ZNF571: variants seen among roughly 807,000 people sequenced by gnomAD.
ZNF571 encodes zinc finger protein 571.
A neutral mutation model predicts 7.7 loss-of-function variants in ZNF571; 4 were observed. The ratio of observed to expected loss-of-function variants is 0.52; its 90% CI spans 0.25 to 1.18. The LOEUF (loss-of-function observed/expected upper bound fraction) is 1.18. Ranked by LOEUF, ZNF571 falls within the 50% of genes most tolerant of loss-of-function variation. ZNF571 has a pLI of 0.14. For synonymous variants in ZNF571, 251 were observed against 232.4 expected, an observed-to-expected ratio of 1.08 and a Z score of -0.73; for missense variants, 704 against 726.9, an observed-to-expected ratio of 0.97 and a Z score of 0.36.
Position 37,584,010 on chromosome 19 carries a change from C to G in ZNF571, c.97G>C (p.Asp33His). 1.2e-6 allele frequency: 2 copies of G among 1,613,926 alleles called. No individual in the cohort carries two copies. Among genetic ancestry groups the G allele is most frequent in the East Asian group, 2.2e-5 (1 of 44,886 alleles). Residue 33 changes from aspartate to histidine, a missense_variant, in exon 3 of 4, where the codon GAT (aspartate) becomes CAT (histidine). Coordinates refer to ENST00000451802, the MANE Select transcript of ZNF571 (RefSeq NM_016536.5). ...LDPAQRDLYR[D>H]VMLENYSNLI... is the part of the protein sequence containing the mutation. ...TTGCTGTAGTTCTCCAACATCACAT[C>G]CCTGTACAAGTCCCTCTGAGCAGGG...
chr19:37,570,448 G>T (rs2043013125), intron 3 of ZNF571, among the ~76,000 whole-genome samples: 2 of 152,070 alleles, frequency 1.3e-5, no homozygotes, highest in African/African-American at 4.8e-5. Flanking sequence ...CATAATTATA[G>T]CAAGTCAACA....
intron 1 of ZNF571, 117 bp from the exon 2 acceptor site, chr19:37,586,862 C>T (rs1465252057): frequency 1.5e-6 from 1 of 650,428 alleles, no homozygotes; most frequent in East Asian, 2.8e-5. Flanking sequence ...TCAGTTCTTC[C>T]ACAAACCCAA....
intron 2 of ZNF571, chr19:37,586,464 A>G (rs2043676057): frequency 1.6e-6 from 1 of 617,132 alleles, no homozygotes; most frequent in African/African-American, 1.9e-5. Flanking sequence ...TTATCTGCTG[A>G]ATGAATATCT....
chr19:37,564,829 T>A lies in ZNF571; in HGVS notation c.1599A>T (p.Lys533Asn), dbSNP rs777572548. 9.3e-6 allele frequency: 15 copies of A among 1,613,880 alleles called. No homozygotes were observed. In the South Asian group the frequency reaches 1.6e-4, roughly 18 times the overall value. ...IHRGEKPYEC[K>N]QCGKAFIRGS... ...CACGAATAAAAGCCTTCCCACACTGTTTACATTCATAAGGTTTTTCACCTC... is the reference window on the plus strand; with the variant it reads ...CACGAATAAAAGCCTTCCCACACTGATTACATTCATAAGGTTTTTCACCTC... The change falls in exon 4 of 4, where the codon AAA becomes AAT. Residue 533 changes from lysine to asparagine, a missense_variant. Lys to Asn is a moderately conservative substitution (Grantham distance 94). Transcript: ENST00000451802.
At chr19:37,580,424 CTT>C (rs2043414093) in intron 3 of ZNF571, among the ~76,000 whole-genome samples, 1 of 152,222 alleles carries the variant, frequency 6.6e-6, no homozygotes, top group Non-Finnish European at 1.5e-5. Context: ...GTTAGCTTGA[CTT>C]TCTTTCCACA....
chr19:37,564,838 A>G lies in ZNF571; in HGVS notation c.1590T>C (p.Tyr530=), dbSNP rs1288400352. ...HQRIHRGEKP[Y]ECKQCGKAFI... ...AAGCCTTCCCACACTGTTTACATTC[A>G]TAAGGTTTTTCACCTCTGTGAATTC... is the stretch of plus-strand genomic sequence containing the variant. Residue 530 remains tyrosine, a synonymous_variant, in exon 4 of 4, where the codon TAT becomes TAC. Transcript: ENST00000451802. 6.2e-7 allele frequency: 1 copy of G among 1,614,078 alleles called. No homozygotes were observed. Among genetic ancestry groups the G allele is most frequent in the Non-Finnish European group, 8.5e-7 (1 of 1,179,970 alleles).
intron 1 of ZNF571, among the ~76,000 whole-genome samples, chr19:37,592,931 A>G (rs553946869): frequency 1.3e-5 from 2 of 152,340 alleles, no homozygotes; most frequent in Middle Eastern, 3.4e-3. Flanking sequence ...TGCATTAAGT[A>G]AGTTTAACAG....
intron 1 of ZNF571, among the ~76,000 whole-genome samples, chr19:37,591,643 C>G (rs984121579): frequency 1.3e-5 from 2 of 152,134 alleles, no homozygotes; most frequent in East Asian, 1.9e-4. Context: ...CTCCCGGGTT[C>G]AAATGATTCT....
At chr19:37,582,903 C>G (rs2043524534) in intron 3 of ZNF571, among the ~76,000 whole-genome samples, 1 of 152,208 alleles carries the variant, frequency 6.6e-6, no homozygotes, top group South Asian at 2.1e-4. Context: ...TCAGTGACCT[C>G]TAAACAAAGA....
intron 1 of ZNF571, among the ~76,000 whole-genome samples, chr19:37,588,969 G>A (rs2147209679): frequency 6.6e-6 from 1 of 152,244 alleles, no homozygotes; most frequent in South Asian, 2.1e-4. Context: ...GGAGGCTGAG[G>A]CAGGTGGATC....
intron 2 of ZNF571, 169 bp downstream of exon 2, chr19:37,586,499 G>C (rs2043677989): frequency 1.4e-6 from 1 of 694,206 alleles, no homozygotes; most frequent in African/African-American, 1.8e-5. Context: ...GAGGGGAAAA[G>C]CATTGAGAAG....
rs1555716373 is a variant in ZNF571 at position 37,568,326 on chromosome 19, C to CA, written c.137-2036dup. ...AAAAACAAAAGCAACTACCCCCCCC[C>CA]ACTTGCCATATACACACCACAGCTC... On this transcript the variant is annotated intron_variant, in intron 3 of 3. Coordinates refer to ENST00000451802, the MANE Select transcript of ZNF571 (RefSeq NM_016536.5). Among the ~76,000 whole-genome samples the CA allele has an allele frequency of 3.3e-5, 5 of 150,744 alleles. No homozygotes were observed. The South Asian group carries it at 6.5e-4, about 20-fold the overall frequency.
At chr19:37,574,258 T>G (rs1208311948) in intron 3 of ZNF571, among the ~76,000 whole-genome samples, 1 of 152,196 alleles carries the variant, frequency 6.6e-6, no homozygotes, top group Non-Finnish European at 1.5e-5. Flanking sequence ...CCTGAGCCCT[T>G]TAAATCATGC....
intron 1 of ZNF571, among the ~76,000 whole-genome samples, chr19:37,588,065 A>C (rs919348743): frequency 7.9e-6 from 1 of 125,878 alleles, no homozygotes; most frequent in Non-Finnish European, 1.6e-5. Context: ...GCGCCACTGC[A>C]CTCCAGCCTG....
At chr19:37,568,134 C>T (rs1052759025) in intron 3 of ZNF571, among the ~76,000 whole-genome samples, 11 of 152,140 alleles carry the variant, frequency 7.2e-5, no homozygotes, top group African/African-American at 2.7e-4. Context: ...ACTGGATCAG[C>T]AGGCACAGGG....
Position 37,566,248 on chromosome 19 carries a change from C to T in ZNF571, c.180G>A (p.Lys60=), listed in dbSNP as rs1444809385. Residue 60 remains lysine, a synonymous_variant, in exon 4 of 4, where the codon AAG becomes AAA. Coordinates refer to ENST00000451802, the MANE Select transcript of ZNF571 (RefSeq NM_016536.5). ...GGAGTGATTCCATTTCATAAATTTC[C>T]TTTTCTGGAGATAACTTTTTGGTCA... ...SCVTKKLSPE[K]EIYEMESLQW... The T allele has an allele frequency of 6.2e-7, 1 of 1,613,318 alleles. No homozygotes were observed. The highest frequency in any genetic ancestry group is 2.2e-5 in the East Asian group (1 of 44,856).
intron 1 of ZNF571, among the ~76,000 whole-genome samples, chr19:37,592,634 G>C (rs1307484874): frequency 6.6e-6 from 1 of 152,228 alleles, no homozygotes; most frequent in African/African-American, 2.4e-5. Context: ...CTGAAAGTGG[G>C]ACATCAGACT....
chr19:37,581,868 GA>G (rs2147192795), intron 3 of ZNF571, among the ~76,000 whole-genome samples: 1 of 148,520 alleles, frequency 6.7e-6, no homozygotes, highest in African/African-American at 2.6e-5. Flanking sequence ...GGTGAACCAG[GA>G]GAATGGCAAA....
chr19:37,568,464 C>G (rs1218964022), intron 3 of ZNF571, among the ~76,000 whole-genome samples: 3 of 152,000 alleles, frequency 2.0e-5, no homozygotes, highest in African/African-American at 7.3e-5. Context: ...AATCAATGGG[C>G]TTATGGTGAT....
Sources: allele counts gnomAD v4.1 joint callset (sites outside exome capture counted in the v4.1 genomes callset), GRCh38; gene constraint gnomAD v4.1.1; transcripts MANE v1.5; gene names NCBI Gene and HGNC (gene_info 2026-07-23, HGNC 2026-07-21).